LHFPL3: variants seen among roughly 807,000 people sequenced by gnomAD.
The protein encoded by LHFPL3 is LHFPL tetraspan subfamily member 3, also known as LHFPL tetraspan subfamily member 3 protein.
In LHFPL3, 5 loss-of-function variants were observed where a neutral mutation model predicts 19.3. That is an observed-to-expected ratio of 0.26 (90% CI 0.14 to 0.54). The LOEUF is 0.54. LHFPL3 is among the 20% of genes least tolerant of loss of function. The pLI is 0.94. For synonymous variants in LHFPL3, 133 were observed against 126.2 expected (o/e 1.05, Z -0.36); for missense variants, 249 against 307.4 (o/e 0.81, Z 1.42).
intron 1 of LHFPL3, among the ~76,000 whole-genome samples, chr7:104,530,747 A>G (rs1235305685): frequency 6.6e-6 from 1 of 152,244 alleles, no homozygotes; most frequent in South Asian, 2.1e-4. Flanking sequence ...TTGTAATAGA[A>G]GCACTAAAAT....
At chr7:104,664,316 T>TA (rs11434136) in intron 1 of LHFPL3, among the ~76,000 whole-genome samples, 142,147 of 151,974 alleles carry the variant, frequency 0.94, 67,057 homozygotes, top group South Asian at 0.99. Flanking sequence ...TCAGCTTCTA[T>TA]AAAAAAAATG....
chr7:104,778,557 T>G (rs970724098), intron 2 of LHFPL3, among the ~76,000 whole-genome samples: 1 of 152,246 alleles, frequency 6.6e-6, no homozygotes, highest in Non-Finnish European at 1.5e-5. Flanking sequence ...AGCAACCATG[T>G]GTACCTGCAG....
At chr7:104,856,538 G>A (rs2116626267) in intron 2 of LHFPL3, among the ~76,000 whole-genome samples, 1 of 152,286 alleles carries the variant, frequency 6.6e-6, no homozygotes, top group Non-Finnish European at 1.5e-5. Context: ...ACGAGCCACT[G>A]AGCCCGGCCA....
chr7:104,395,847 A>C (rs1791172722), intron 1 of LHFPL3, among the ~76,000 whole-genome samples: 1 of 152,158 alleles, frequency 6.6e-6, no homozygotes, highest in African/African-American at 2.4e-5. Context: ...TTTTATTTAG[A>C]CTTTGCAACA....
At chr7:104,526,584 C>G (rs2115829901) in intron 1 of LHFPL3, among the ~76,000 whole-genome samples, 1 of 152,330 alleles carries the variant, frequency 6.6e-6, no homozygotes, top group Non-Finnish European at 1.5e-5. Flanking sequence ...TGACATACCT[C>G]TTAGTGACAT....
At chr7:104,888,693 T>C (rs532203648) in intron 2 of LHFPL3, among the ~76,000 whole-genome samples, 1 of 152,346 alleles carries the variant, frequency 6.6e-6, no homozygotes, top group East Asian at 1.9e-4. Flanking sequence ...TCCTTGTAAG[T>C]AGATACGTTA....
chr7:104,640,174 T>C (rs905212773), intron 1 of LHFPL3, among the ~76,000 whole-genome samples: 5 of 152,200 alleles, frequency 3.3e-5, no homozygotes, highest in African/African-American at 1.2e-4. Flanking sequence ...GTTACATAGT[T>C]ATACATGTGC....
At chr7:104,514,344 CCA>C in intron 1 of LHFPL3, among the ~76,000 whole-genome samples, 1 of 152,286 alleles carries the variant, frequency 6.6e-6, no homozygotes, top group East Asian at 1.9e-4. Context: ...CCAGTACTTA[CCA>C]CAGTTATAAT....
At chr7:104,805,937 G>A (rs1003443035) in intron 2 of LHFPL3, among the ~76,000 whole-genome samples, 3 of 152,180 alleles carry the variant, frequency 2.0e-5, no homozygotes, top group Non-Finnish European at 4.4e-5. Flanking sequence ...CCACAGCTCA[G>A]TATAGTATTT....
intron 1 of LHFPL3, among the ~76,000 whole-genome samples, chr7:104,418,422 C>T (rs780844654): frequency 6.6e-6 from 1 of 151,976 alleles, no homozygotes; most frequent in Non-Finnish European, 1.5e-5. Context: ...GTCTTGGCTG[C>T]TTGGGAGGCT....
rs905580370 is a variant in LHFPL3 at position 104,328,686 on chromosome 7, G to C, written c.-94G>C. On this transcript the variant is annotated 5_prime_UTR_variant, in exon 1 of 3. Transcript: ENST00000424859. This position sits in a 1 kb window ranked among gnomAD's most constrained non-coding sequence, Gnocchi z 4.6. ...CTGAGGCGGAGGCAGGGGAGTTGCA[G>C]CGCGCGAGGCTCCGTGAGTGTGTCT... 1 of 1,124,080 alleles carries C rather than the reference G, an allele frequency of 8.9e-7. No individual in the cohort carries two copies. The highest frequency in any genetic ancestry group is 2.6e-5 in the East Asian group (1 of 38,898). 69.6% of individuals were successfully genotyped at this position (1,124,080 alleles called of 1,614,324 possible). A position where few individuals can be genotyped will look rare whatever the true frequency, so the allele number is the denominator to read the frequency against.
chr7:104,419,660 G>A (rs1487902026), intron 1 of LHFPL3, among the ~76,000 whole-genome samples: 1 of 152,176 alleles, frequency 6.6e-6, no homozygotes, highest in Non-Finnish European at 1.5e-5. Context: ...CAAGAATTCA[G>A]AACTAGAACT....
chr7:104,824,367 ATATTT>A (rs1790761670), intron 2 of LHFPL3, among the ~76,000 whole-genome samples: 2 of 20,806 alleles, frequency 9.6e-5, no homozygotes, highest in African/African-American at 4.0e-4. Context: ...ATAATTATAT[ATATTT>A]TATATATAAT....
intron 1 of LHFPL3, among the ~76,000 whole-genome samples, chr7:104,587,709 T>G (rs1161482187): frequency 2.6e-5 from 4 of 151,828 alleles, no homozygotes; most frequent in Non-Finnish European, 5.9e-5. Context: ...ACTTCCACAA[T>G]GGTTGAACTA....
At chr7:104,644,754 C>T (rs112271979) in intron 1 of LHFPL3, among the ~76,000 whole-genome samples, 146 of 152,116 alleles carry the variant, frequency 9.6e-4, no homozygotes, top group Middle Eastern at 6.8e-3. Flanking sequence ...ATTCCTCCCC[C>T]TCCCTGCTGC....
intron 1 of LHFPL3, among the ~76,000 whole-genome samples, chr7:104,674,425 G>A (rs1792551539): frequency 6.8e-6 from 1 of 147,130 alleles, no homozygotes; most frequent in Non-Finnish European, 1.5e-5. Flanking sequence ...CTGGAGTGCA[G>A]TGGCGCAATC....
rs564385535 is a variant in LHFPL3, at chr7:104,837,526, C to T, written c.683-68661C>T. 4.6e-5 allele frequency among the ~76,000 whole-genome samples: 7 copies of T among 152,316 alleles called. No individual in the cohort carries two copies. The East Asian group carries it at 1.3e-3, about 29-fold the overall frequency. The stretch of plus-strand genomic sequence containing the variant: ...CATTAATAATCCCATAAAGTAAGTG[C>T]TAACATTATCCCCAATTTAATGCAA... On this transcript the variant is annotated intron_variant, in intron 2 of 2. Transcript: ENST00000424859.
At chr7:104,905,714 A>G (rs546451763) in intron 2 of LHFPL3, among the ~76,000 whole-genome samples, 1 of 152,256 alleles carries the variant, frequency 6.6e-6, no homozygotes, top group Non-Finnish European at 1.5e-5. Context: ...TAGATAAGGA[A>G]TGGAAAGAAA....
At chr7:104,391,122 C>T (rs1169667277) in intron 1 of LHFPL3, among the ~76,000 whole-genome samples, 2 of 152,132 alleles carry the variant, frequency 1.3e-5, no homozygotes, top group African/African-American at 2.4e-5. Context: ...CATTTTCTCC[C>T]ATTCTGTAGT....
Sources: allele counts gnomAD v4.1 joint callset (sites outside exome capture counted in the v4.1 genomes callset), GRCh38; gene constraint gnomAD v4.1.1; non-coding constraint Gnocchi (gnomAD v3.1); transcripts MANE v1.5; gene names NCBI Gene and HGNC (gene_info 2026-07-23, HGNC 2026-07-21).